Variants in TNXB observed in about 807,000 individuals in gnomAD.
TNXB encodes the protein tenascin-X.
Under a neutral mutation model 340.5 loss-of-function variants are expected in TNXB, and 183 were observed. That is an observed-to-expected ratio of 0.54 (90% CI 0.48 to 0.61). TNXB has a LOEUF of 0.61. TNXB is among the 20% of genes least tolerant of loss of function. The pLI, the probability that TNXB is intolerant of heterozygous loss-of-function variation, is 0.00. For synonymous variants in TNXB, 2,121 were observed against 2,314.5 expected (o/e 0.92, Z 2.40); for missense variants, 4,613 against 5,446.4 (o/e 0.85, Z 4.82).
chr6:32,086,101 G>A lies in TNXB; in HGVS notation c.2797C>T (p.Leu933Phe). The change falls in exon 7 of 44, where the codon CTC (leucine) becomes TTC (phenylalanine). Residue 933 changes from leucine to phenylalanine, a missense_variant. Physicochemically the swap from Leu to Phe is conservative, Grantham distance 22. This residue lies in a region of TNXB where 4,327 missense variants were observed against 4,859.4 expected (regional missense o/e 0.89). Transcript: ENST00000644971. ...GGAGGCTCATCGGTAGTCCCCAAGA[G>A]GCCCAAGGGTGAGGACCCTGGGAAG... The part of the protein sequence containing the change: ...RANTGSSPLG[L>F]LGTTDEPPPS... 1.3e-6 allele frequency: 2 copies of A among 1,542,062 alleles called. No individual in the cohort carries two copies. Among genetic ancestry groups the A allele is most frequent in the Non-Finnish European group, 1.8e-6 (2 of 1,141,962 alleles).
chr6:32,093,337 A>AC (rs1472298209), intron 4 of TNXB: 1 of 691,684 alleles, frequency 1.4e-6, no homozygotes, highest in South Asian at 1.5e-5. Flanking sequence ...AACAACAACA[A>AC]AAAAAGATGT....
rs62402711 is a variant in TNXB at position 32,072,408 on chromosome 6, T to C, written c.4682-110A>G. On this transcript the variant is annotated intron_variant, in intron 12 of 43. Coordinates refer to ENST00000644971, the MANE Select transcript of TNXB (RefSeq NM_001365276.2). This position sits in a 1 kb window ranked among gnomAD's most constrained non-coding sequence, Gnocchi z 4.4. Reference sequence around the variant, plus strand: ...CTGAGATGGGGAATAGTTACACCTTTACTTCCAGACCTCTAACTGAAATGC... The same window carrying C: ...CTGAGATGGGGAATAGTTACACCTTCACTTCCAGACCTCTAACTGAAATGC... 8,547 of 848,344 alleles carry C rather than the reference T, an allele frequency of 0.01. 58 individuals are homozygous for C. The highest frequency in any genetic ancestry group is 0.012 in the Non-Finnish European group (7,082 of 584,978). The allele number at this position is 848,344 out of a possible 1,614,324, so 52.6% of individuals were successfully genotyped here.
Position 32,042,823 on chromosome 6 carries a change from C to G in TNXB, c.11934G>C (p.Leu3978=). The change falls in exon 39 of 44, where the codon CTG becomes CTC. Residue 3978 remains leucine (L), a synonymous_variant. Coordinates refer to ENST00000644971, the MANE Select transcript of TNXB (RefSeq NM_001365276.2). ...HTPGGQNQEI[L]LPGGITSHQL... is the part of the protein sequence containing the mutation. ...GGTGAGATGTGATCCCTCCTGGGAG[C>G]AGGATCTCCTGTGGGACAGACAAGG... The G allele has an allele frequency of 1.8e-6, 1 of 543,900 alleles. No individual in the cohort carries two copies. The allele number at this position is 543,900 out of a possible 1,614,324, so 33.7% of individuals were successfully genotyped here.
intron 18 of TNXB, among the ~76,000 whole-genome samples, chr6:32,066,249 C>CT (rs996526229): frequency 2.0e-5 from 3 of 152,060 alleles, no homozygotes; most frequent in African/African-American, 7.2e-5. Flanking sequence ...TTTAAATTAG[C>CT]TGAGTGTGGT....
At chr6:32,057,140 G>A (rs909045322) in intron 22 of TNXB, among the ~76,000 whole-genome samples, 1 of 148,624 alleles carries the variant, frequency 6.7e-6, no homozygotes, top group African/African-American at 2.5e-5. Flanking sequence ...ACCTCTCCCT[G>A]TCCCTCCAGC....
Position 32,069,249 on chromosome 6 carries a change from C to A in TNXB, c.5588-113G>T. ...GGCAAGCAGTCAGCAATCGAAAGACCAGCTTTTGCTGCACATGGGTGAATT... is the reference window on the plus strand; with the variant it reads ...GGCAAGCAGTCAGCAATCGAAAGACAAGCTTTTGCTGCACATGGGTGAATT... On this transcript the variant is annotated intron_variant, in intron 15 of 43. Coordinates refer to ENST00000644971, the MANE Select transcript of TNXB (RefSeq NM_001365276.2). This position sits in a 1 kb window ranked among gnomAD's most constrained non-coding sequence, Gnocchi z 6.2. The A allele has an allele frequency of 9.2e-7, 1 of 1,092,062 alleles. No homozygotes were observed. The allele number at this position is 1,092,062 out of a possible 1,614,324, so 67.6% of individuals were successfully genotyped here. A position where few individuals can be genotyped will look rare whatever the true frequency, so the allele number is the denominator to read the frequency against.
chr6:32,070,941 TA>T lies in TNXB; in HGVS notation c.4991-528del, dbSNP rs1562832930. 6.6e-6 allele frequency among the ~76,000 whole-genome samples: 1 copy of T among 152,160 alleles called. No homozygotes were observed. The highest frequency in any genetic ancestry group is 2.4e-5 in the African/African-American group (1 of 41,426). On this transcript the variant is annotated intron_variant, in intron 13 of 43. Coordinates refer to ENST00000644971, the MANE Select transcript of TNXB (RefSeq NM_001365276.2). The surrounding 1 kb of genome is among the most constrained non-coding windows in gnomAD (Gnocchi z 6.0). ...TCTGCACCGGCTGGCCCGGGAGAAC[TA>T]AGGCTCCCACTGGGCCTGGTGAAGG...
chr6:32,047,983 C>G lies in TNXB; in HGVS notation c.10075G>C (p.Gly3359Arg). The G allele has an allele frequency of 6.2e-7, 1 of 1,609,712 alleles. No individual in the cohort carries two copies. Among genetic ancestry groups the G allele is most frequent in the Non-Finnish European group, 8.5e-7 (1 of 1,178,376 alleles). Reference protein sequence around the residue: ...APDTKPSPRLGELTVTDATPD... With the variant: ...APDTKPSPRLRELTVTDATPD... Reference sequence around the variant, plus strand: ...GTCGCATCTGTCACAGTCAGCTCCCCCAGGCGGGGAGACGGTTTGGTGTCT... The same window carrying G: ...GTCGCATCTGTCACAGTCAGCTCCCGCAGGCGGGGAGACGGTTTGGTGTCT... The change falls in exon 30 of 44, where the codon GGG becomes CGG. Residue 3359 changes from glycine to arginine, a missense_variant. By Grantham distance (125) the Gly-to-Arg change is moderately radical (BLOSUM62 -2). This residue lies in a region of TNXB where 4,327 missense variants were observed against 4,859.4 expected (regional missense o/e 0.89). Coordinates refer to ENST00000644971, the MANE Select transcript of TNXB (RefSeq NM_001365276.2). This position sits in a 1 kb window ranked among gnomAD's most constrained non-coding sequence, Gnocchi z 6.2.
At chr6:32,044,865 A>C in intron 32 of TNXB, 141 bp downstream of exon 32, 1 of 795,328 alleles carries the variant, frequency 1.3e-6, no homozygotes, top group Non-Finnish European at 2.1e-6. Context: ...TGTGGGGCAG[A>C]GCTAAAGGCC....
In TNXB at chr6:32,073,632, C is replaced by A; in HGVS notation, c.4681+15G>T. 6.3e-7 allele frequency: 1 copy of A among 1,598,252 alleles called. No homozygotes were observed. The highest frequency in any genetic ancestry group is 1.1e-5 in the South Asian group (1 of 89,316). Reference sequence around the variant, plus strand: ...GGGTAACCAGAGATGAGGACTGAGTCCCCCCATTACTCACCCGTCACGATG... The same window carrying A: ...GGGTAACCAGAGATGAGGACTGAGTACCCCCATTACTCACCCGTCACGATG... On this transcript the variant is annotated intron_variant, in intron 12 of 43. Coordinates refer to ENST00000644971, the MANE Select transcript of TNXB (RefSeq NM_001365276.2). The surrounding 1 kb of genome is among the most constrained non-coding windows in gnomAD (Gnocchi z 4.6).
chr6:32,065,541 A>G (rs1294226366), intron 18 of TNXB, among the ~76,000 whole-genome samples: 2 of 152,258 alleles, frequency 1.3e-5, no homozygotes, highest in Non-Finnish European at 2.9e-5. Context: ...GGGAGACTGT[A>G]GCACTACCTG....
At position 32,087,018 on chromosome 6, in the gene TNXB, C is replaced by G. The variant is rs764576435; in HGVS notation, c.2780-900G>C. 6.6e-6 allele frequency among the ~76,000 whole-genome samples: 1 copy of G among 152,192 alleles called. No individual in the cohort carries two copies. The highest frequency in any genetic ancestry group is 2.4e-5 in the African/African-American group (1 of 41,448). On this transcript the variant is annotated intron_variant, in intron 6 of 43. Transcript: ENST00000644971. The surrounding 1 kb of genome is among the most constrained non-coding windows in gnomAD (Gnocchi z 9.0). ...CCGGGAAACCCCAAAGAAGGCGCTG[C>G]CTTGACCTTAGGCATCCACAGGATG... is the stretch of plus-strand genomic sequence containing the variant.
rs61910712 is a variant in TNXB, at chr6:32,084,478, T to C, written c.3380A>G (p.Lys1127Arg). ...ITSLDPGRKY[K>R]FVLYGFVGKK... ...GCCAACAAACCCATACAGGACAAAT[T>C]TGTACTTGCGGCCAGGATCCAGGGA... The change falls in exon 8 of 44, where the codon AAA becomes AGA. Residue 1127 changes from lysine to arginine, a missense_variant. Around this residue, in one of 7 missense-constraint regions of TNXB, gnomAD observed 4,327 missense variants for 4,859.4 expected, o/e 0.89. Transcript: ENST00000644971. This position sits in a 1 kb window ranked among gnomAD's most constrained non-coding sequence, Gnocchi z 5.5. 3.2e-3 allele frequency: 5,078 copies of C among 1,608,148 alleles called. 137 individuals are homozygous for C. The African/African-American group carries it at 0.058, about 18-fold the overall frequency.
intron 24 of TNXB, 109 bp from the exon 25 acceptor site, chr6:32,053,820 G>C (rs575777029): frequency 1.6e-6 from 2 of 1,262,950 alleles, no homozygotes; most frequent in East Asian, 4.9e-5. Context: ...GCTGCCCACA[G>C]CGCCTCCAGC....
rs536142838 is a variant in TNXB at position 32,081,458 on chromosome 6, C to T, written c.3952G>A (p.Gly1318Ser). Residue 1318 changes from glycine (G) to serine (S), a missense_variant, in exon 10 of 44, where the codon GGC (glycine) becomes AGC (serine). Coordinates refer to ENST00000644971, the MANE Select transcript of TNXB (RefSeq NM_001365276.2). The surrounding 1 kb of genome is among the most constrained non-coding windows in gnomAD (Gnocchi z 5.1). Reference protein sequence around the residue: ...AGDENEVTVPGLDPDRKYKMN... With the variant: ...AGDENEVTVPSLDPDRKYKMN... ...TTATACTTCCGGTCGGGATCCAGGC[C>T]GGGGACAGTAACCTCATTCTCATCC... The T allele has an allele frequency of 8.0e-5, 127 of 1,591,702 alleles. No individual in the cohort carries two copies. The highest frequency in any genetic ancestry group is 1.7e-4 in the Middle Eastern group (1 of 6,038).
Position 32,084,306 on chromosome 6 carries a change from C to A in TNXB, c.3445+107G>T. On this transcript the variant is annotated intron_variant, in intron 8 of 43. Transcript: ENST00000644971. The surrounding 1 kb of genome is among the most constrained non-coding windows in gnomAD (Gnocchi z 5.5). ...TCCCTTCAGAATTCAGCTCATGCAC[C>A]ACTGCCTCCAGGAAGCCTTCCCGGA... 1 of 1,112,994 alleles carries A rather than the reference C, an allele frequency of 9.0e-7. No individual in the cohort carries two copies. Among genetic ancestry groups the A allele is most frequent in the Non-Finnish European group, 1.2e-6 (1 of 806,726 alleles). 68.9% of individuals were successfully genotyped at this position (1,112,994 alleles called of 1,614,324 possible). A position where few individuals can be genotyped will look rare whatever the true frequency, so the allele number is the denominator to read the frequency against.
At position 32,049,276 on chromosome 6, in the gene TNXB, T is replaced by C. The variant is rs1391854136; in HGVS notation, c.9751A>G (p.Ile3251Val). 2 of 1,609,718 alleles carry C rather than the reference T, an allele frequency of 1.2e-6. No individual in the cohort carries two copies. The highest frequency in any genetic ancestry group is 1.7e-6 in the Non-Finnish European group (2 of 1,177,954). Reference sequence around the variant, plus strand: ...GGCCTGTCCCCCCACTCACCCGTGATGCCCACGGTGGACACTGGGCCCACG... The same window carrying C: ...GGCCTGTCCCCCCACTCACCCGTGACGCCCACGGTGGACACTGGGCCCACG... ...QRVGPVSTVG[I>V]TAPLPTPLPV... Residue 3251 changes from isoleucine (I) to valine (V), a missense_variant, in exon 28 of 44, where the codon ATC (isoleucine) becomes GTC (valine). Ile to Val is a conservative substitution (Grantham distance 29). Around this residue, in one of 7 missense-constraint regions of TNXB, gnomAD observed 4,327 missense variants for 4,859.4 expected, o/e 0.89. Transcript: ENST00000644971. The surrounding 1 kb of genome is among the most constrained non-coding windows in gnomAD (Gnocchi z 4.5).
intron 24 of TNXB, among the ~76,000 whole-genome samples, chr6:32,054,075 A>G (rs9469077): frequency 0.081 from 12,323 of 151,366 alleles, 651 homozygotes; most frequent in South Asian, 0.28. Context: ...AGCTCAGCAC[A>G]CTCCTCCCGA....
In TNXB at chr6:32,081,286, G is replaced by C. The variant is rs1049227202; in HGVS notation, c.4042+82C>G. 10 of 1,372,380 alleles carry C rather than the reference G, an allele frequency of 7.3e-6. No homozygotes were observed. Among genetic ancestry groups the C allele is most frequent in the Non-Finnish European group, 8.9e-6 (9 of 1,013,894 alleles). 85.0% of individuals were successfully genotyped at this position (1,372,380 alleles called of 1,614,324 possible). A position where few individuals can be genotyped will look rare whatever the true frequency, so the allele number is the denominator to read the frequency against. On this transcript the variant is annotated intron_variant, in intron 10 of 43. Transcript: ENST00000644971. The surrounding 1 kb of genome is among the most constrained non-coding windows in gnomAD (Gnocchi z 5.1). ...AATGAGCTGAGAAGGCGAAGATGGA[G>C]GGAGGCTGGAAGGAGCCCCAGCCAA...
Sources: allele counts gnomAD v4.1 joint callset (sites outside exome capture counted in the v4.1 genomes callset), GRCh38; gene constraint gnomAD v4.1.1; regional missense constraint gnomAD v4.1.1; non-coding constraint Gnocchi (gnomAD v3.1); transcripts MANE v1.5; gene names NCBI Gene and HGNC (gene_info 2026-07-23, HGNC 2026-07-21).